The following DPP6 variants were observed in gnomAD, a reference collection of about 807,000 sequenced individuals.
DPP6 encodes the protein A-type potassium channel modulatory protein DPP6.
In DPP6, 69 loss-of-function variants were observed where a neutral mutation model predicts 122.6. That is an observed-to-expected ratio of 0.56 (90% CI 0.46 to 0.69). DPP6 has a LOEUF of 0.69. Among genes scored for constraint, DPP6 ranks in the 30% least tolerant of loss-of-function variants. The pLI is 0.00. For synonymous variants in DPP6, 418 were observed against 433.1 expected (o/e 0.97, Z 0.43); for missense variants, 928 against 1,116.9 (o/e 0.83, Z 2.41).
At position 154,431,766 on chromosome 7, in the gene DPP6, C is replaced by A. The variant is rs541974866; in HGVS notation, c.244-14448C>A. Among the ~76,000 whole-genome samples, 7 of 152,170 alleles carry A rather than the reference C, an allele frequency of 4.6e-5. No individual in the cohort carries two copies. The South Asian group carries it at 1.5e-3, about 32-fold the overall frequency. Reference sequence around the variant, plus strand: ...GTCAGGCTGGTCTCAAACTCCTGACCTCGTGATCCGCCCACCTCAGCCTCC... The same window carrying A: ...GTCAGGCTGGTCTCAAACTCCTGACATCGTGATCCGCCCACCTCAGCCTCC... On this transcript the variant is annotated intron_variant, in intron 1 of 25. Transcript: ENST00000377770.
At chr7:154,698,790 A>G (rs917606511) in intron 7 of DPP6, among the ~76,000 whole-genome samples, 2 of 152,222 alleles carry the variant, frequency 1.3e-5, no homozygotes, top group African/African-American at 2.4e-5. Flanking sequence ...CGGTCCAGCC[A>G]GGAGCTAGTC....
At chr7:154,021,995 G>A (rs368503402) in intron 1 of DPP6, among the ~76,000 whole-genome samples, 4 of 152,232 alleles carry the variant, frequency 2.6e-5, no homozygotes, top group African/African-American at 9.6e-5. Flanking sequence ...CGCTATCTCA[G>A]CTGTTAAGGC....
chr7:153,963,968 C>G (rs1052056271), intron 1 of DPP6, among the ~76,000 whole-genome samples: 3 of 152,144 alleles, frequency 2.0e-5, no homozygotes, highest in African/African-American at 7.2e-5. Flanking sequence ...GCTTCCTGAA[C>G]TTGTACTGAC....
the DPP6 span, among the ~76,000 whole-genome samples, chr7:153,804,690 C>T: frequency 7.9e-5 from 12 of 152,134 alleles, no homozygotes; most frequent in South Asian, 2.5e-3. Flanking sequence ...GTCAGGAGTT[C>T]GAGACCAGCC....
At chr7:153,878,980 G>A in the DPP6 span, among the ~76,000 whole-genome samples, 2 of 151,764 alleles carry the variant, frequency 1.3e-5, no homozygotes, top group African/African-American at 4.8e-5. Context: ...GAGGAAAGGA[G>A]AAAGAAAAGA....
At chr7:154,587,525 G>A (rs1832535489) in intron 5 of DPP6, 2 of 1,033,786 alleles carry the variant, frequency 1.9e-6, no homozygotes, top group Admixed American at 2.5e-5. Flanking sequence ...AAGACCCAAT[G>A]TGAACATTGC....
intron 6 of DPP6, among the ~76,000 whole-genome samples, chr7:154,652,274 T>TC (rs397962987): frequency 6.6e-6 from 1 of 152,040 alleles, no homozygotes; most frequent in African/African-American, 2.4e-5. Context: ...GTTTTTTTTT[T>TC]CCTATACTGT....
At chr7:153,964,329 C>G (rs10275096) in intron 1 of DPP6, among the ~76,000 whole-genome samples, 2 of 152,118 alleles carry the variant, frequency 1.3e-5, no homozygotes, top group African/African-American at 4.8e-5. Context: ...AGTTCACCTG[C>G]TCCAGAGTTG....
chr7:154,360,890 TCTGTGTAATAAGATG>T (rs879756289), intron 1 of DPP6, among the ~76,000 whole-genome samples: 3 of 152,184 alleles, frequency 2.0e-5, no homozygotes, highest in Non-Finnish European at 4.4e-5. Flanking sequence ...TTGATGAGAT[TCTGTGTAATAAGATG>T]CTGGATTCCG....
Position 154,860,687 on chromosome 7 carries a change from AAAG to A in DPP6, c.1714+6864_1714+6866del, listed in dbSNP as rs1803313378. On this transcript the variant is annotated intron_variant, in intron 17 of 25. Coordinates refer to ENST00000377770, the MANE Select transcript of DPP6 (RefSeq NM_130797.4). ...AACCTGGGTCTTGTCCAGTCCTAAC[AAAG>A]AAGGAACAGCCCCGCTGCCTCCTTG... 3.3e-5 allele frequency among the ~76,000 whole-genome samples: 5 copies of A among 152,316 alleles called. No individual in the cohort carries two copies. The South Asian group carries it at 1.0e-3, about 32-fold the overall frequency.
the DPP6 span, among the ~76,000 whole-genome samples, chr7:153,783,764 A>G: frequency 6.6e-6 from 1 of 152,226 alleles, no homozygotes; most frequent in Non-Finnish European, 1.5e-5. Flanking sequence ...TCCATACCCT[A>G]CCTTCCAGTA....
At chr7:154,245,816 A>G (rs78130231) in intron 1 of DPP6, among the ~76,000 whole-genome samples, 5,697 of 152,234 alleles carry the variant, frequency 0.037, 193 homozygotes, top group East Asian at 0.14. Context: ...TAAAAAACTG[A>G]CAGAACTCAA....
intron 7 of DPP6, among the ~76,000 whole-genome samples, chr7:154,682,221 G>C (rs1008055785): frequency 6.6e-6 from 1 of 152,246 alleles, no homozygotes; most frequent in Non-Finnish European, 1.5e-5. Context: ...TTTCGAGTCA[G>C]ACATTTGTCT....
In DPP6 at chr7:153,979,717, C is replaced by T. The variant is rs146645328; in HGVS notation, c.51+91983C>T. On this transcript the variant is annotated intron_variant, in intron 1 of 25. Coordinates refer to the DPP6 transcript ENST00000404039. ...AGCTCTTATTATTTTGAGATACGTC[C>T]CATCAATACCTAGTTTATTGAGTGT... Among the ~76,000 whole-genome samples the T allele has an allele frequency of 2.2e-3, 337 of 152,236 alleles. 12 individuals are homozygous for T. In the East Asian group the frequency reaches 0.059, roughly 27 times the overall value.
Position 154,750,728 on chromosome 7 carries a change from G to A in DPP6, c.884-18689G>A, listed in dbSNP as rs981757327. On this transcript the variant is annotated intron_variant, in intron 8 of 25. Coordinates refer to ENST00000377770, the MANE Select transcript of DPP6 (RefSeq NM_130797.4). ...AGACAAGCGTGCCGTGTGGGAAGGA[G>A]AGAAGCCGCTGCTGGAGCAAGCGTG... Among the ~76,000 whole-genome samples the A allele has an allele frequency of 1.2e-4, 18 of 152,364 alleles. No individual in the cohort carries two copies. The South Asian group carries it at 3.5e-3, about 30-fold the overall frequency.
At chr7:154,699,054 C>T (rs991459328) in intron 7 of DPP6, among the ~76,000 whole-genome samples, 3 of 152,156 alleles carry the variant, frequency 2.0e-5, no homozygotes, top group African/African-American at 7.2e-5. Flanking sequence ...GATCAGCCAC[C>T]CAGGGAACCT....
intron 1 of DPP6, among the ~76,000 whole-genome samples, chr7:154,082,138 G>T (rs1804060590): frequency 1.3e-5 from 2 of 152,264 alleles, no homozygotes; most frequent in East Asian, 3.9e-4. Context: ...GTGCTCAAGG[G>T]TTGGAGCCAG....
intron 16 of DPP6, among the ~76,000 whole-genome samples, chr7:154,823,218 A>C (rs1469189607): frequency 3.9e-5 from 6 of 152,198 alleles, no homozygotes; most frequent in African/African-American, 1.4e-4. Context: ...CACTGATTTA[A>C]TTTTTTAAAC....
At position 154,209,556 on chromosome 7, in the gene DPP6, C is replaced by A. The variant is rs12703324; in HGVS notation, c.243+156493C>A. ...ACAAGTTGAAGTTAAAAAAAAAAAA[C>A]AAAAAACCTTTCTTCAGCTGCGACT... On this transcript the variant is annotated intron_variant, in intron 1 of 25. Transcript: ENST00000377770. 6.6e-3 allele frequency among the ~76,000 whole-genome samples: 217 copies of A among 33,104 alleles called. 2 individuals carry two copies. The highest frequency in any genetic ancestry group is 0.026 in the Middle Eastern group (1 of 38). 21.7% of individuals were successfully genotyped at this position (33,104 alleles called of 152,430 possible).
Sources: gnomAD v4.1 joint callset for allele counts (sites outside exome capture counted in the v4.1 genomes callset) on GRCh38, gnomAD v4.1.1 for gene constraint, MANE v1.5 for transcripts, NCBI Gene and HGNC (gene_info 2026-07-23, HGNC 2026-07-21) for gene names.